PCDHGB4: variants seen among roughly 807,000 people sequenced by gnomAD.
PCDHGB4 encodes the protein protocadherin gamma subfamily B, 4.
PCDHGB4 carries 38 observed loss-of-function variants against 60.5 expected under a neutral mutation model. The ratio of observed to expected loss-of-function variants is 0.63; its 90% CI spans 0.48 to 0.82. PCDHGB4 has a LOEUF of 0.82. Among genes scored for constraint, PCDHGB4 ranks in the 40% least tolerant of loss-of-function variants. The pLI is 0.00. For missense variants in PCDHGB4, 1,109 were observed against 1,209.6 expected (o/e 0.92, Z 1.23); for synonymous variants, 456 against 509.7 (o/e 0.89, Z 1.42).
In PCDHGB4 at chr5:141,418,608, GC is replaced by G. The variant is rs1422456031; in HGVS notation, c.2397+28329del. On this transcript the variant is annotated intron_variant, in intron 1 of 3. Transcript: ENST00000519479. Reference sequence around the variant, plus strand: ...TTCAGCCAGGACGTGTACAGGGTTAGCCTTCGGGAAGACGTGCCTCCAGGCA... The same window carrying G: ...TTCAGCCAGGACGTGTACAGGGTTAGCTTCGGGAAGACGTGCCTCCAGGCA... 4 of 1,613,922 alleles carry G rather than the reference GC, an allele frequency of 2.5e-6. No individual in the cohort carries two copies. In the African/African-American group the frequency reaches 5.3e-5, roughly 22 times the overall value.
At chr5:141,423,837 A>G (rs73792199) in intron 1 of PCDHGB4, 16,285 of 1,277,458 alleles carry the variant, frequency 0.013, 610 homozygotes, top group African/African-American at 0.098. Context: ...TGAGATTACG[A>G]TAATCTTTCA....
intron 1 of PCDHGB4, chr5:141,418,388 T>C: frequency 6.2e-7 from 1 of 1,613,942 alleles, no homozygotes; most frequent in Non-Finnish European, 8.5e-7. Flanking sequence ...TCCTAACGAG[T>C]ATTTCTCATT....
Position 141,393,179 on chromosome 5 carries a change from A to T in PCDHGB4, c.2397+2898A>T, listed in dbSNP as rs375085176. 8.7e-6 allele frequency: 14 copies of T among 1,613,202 alleles called. 2 individuals are homozygous for T. In the East Asian group the frequency reaches 2.5e-4, roughly 28 times the overall value. ...GAAAACTCTTTGGGGTAGAAATAGA[A>T]ATAATTGATATTAACGATAATAACC... On this transcript the variant is annotated intron_variant, in intron 1 of 3. Coordinates refer to ENST00000519479, the MANE Select transcript of PCDHGB4 (RefSeq NM_003736.4).
At position 141,487,905 on chromosome 5, in the gene PCDHGB4, G is replaced by A. The variant is rs1305989274; in HGVS notation, c.2398-6902G>A. The A allele has an allele frequency of 2.9e-6, 2 of 686,270 alleles. No individual in the cohort carries two copies. The highest frequency in any genetic ancestry group is 3.6e-5 in the African/African-American group (2 of 55,348). The allele number at this position is 686,270 out of a possible 1,614,324, so 42.5% of individuals were successfully genotyped here. ...GTGGAAGCATGATGATGGAATGTGG[G>A]AGCACAGGAGGCTACAGTGCACAGG... On this transcript the variant is annotated intron_variant, in intron 1 of 3. Coordinates refer to ENST00000519479, the MANE Select transcript of PCDHGB4 (RefSeq NM_003736.4). This position sits in a 1 kb window ranked among gnomAD's most constrained non-coding sequence, Gnocchi z 5.0.
Position 141,450,950 on chromosome 5 carries a change from A to G in PCDHGB4, c.2398-43857A>G, listed in dbSNP as rs1176916120. ...AGCAATTCTCCTACCTCAGCCTCCCAAGTAGCTGGGATTACAGGCATGTGC... is the reference window on the plus strand; with the variant it reads ...AGCAATTCTCCTACCTCAGCCTCCCGAGTAGCTGGGATTACAGGCATGTGC... On this transcript the variant is annotated intron_variant, in intron 1 of 3. Coordinates refer to ENST00000519479, the MANE Select transcript of PCDHGB4 (RefSeq NM_003736.4). Among the ~76,000 whole-genome samples, 9 of 150,714 alleles carry G rather than the reference A, an allele frequency of 6.0e-5. No individual in the cohort carries two copies. In the East Asian group the frequency reaches 1.6e-3, roughly 26 times the overall value.
At chr5:141,497,849 T>G (rs1337258582) in intron 2 of PCDHGB4, among the ~76,000 whole-genome samples, 1 of 152,192 alleles carries the variant, frequency 6.6e-6, no homozygotes, top group African/African-American at 2.4e-5. Flanking sequence ...ACAAACATTT[T>G]TGATTCAGCG....
intron 1 of PCDHGB4, chr5:141,414,091 A>C (rs774168035): frequency 7.5e-6 from 12 of 1,594,412 alleles, no homozygotes; most frequent in African/African-American, 1.3e-5. Flanking sequence ...TGGAGAAATA[A>C]AAATATCAGA....
intron 1 of PCDHGB4, among the ~76,000 whole-genome samples, chr5:141,446,698 G>C (rs750413432): frequency 1.3e-5 from 2 of 152,070 alleles, no homozygotes; most frequent in African/African-American, 4.8e-5. Flanking sequence ...GGCTGGTCTC[G>C]AACTCTGATC....
Position 141,423,286 on chromosome 5 carries a change from ACCT to A in PCDHGB4, c.2397+33007_2397+33009del, listed in dbSNP as rs554024395. 8.7e-3 allele frequency: 13,966 copies of A among 1,613,746 alleles called. 98 individuals are homozygous for A. The highest frequency in any genetic ancestry group is 0.011 in the Middle Eastern group (68 of 6,062). ...CCTCGAGTCTCTGGCTAACTCTGAAACCTCAGACCTCTCGCTGTACTTGGTGGT... is the reference window on the plus strand; with the variant it reads ...CCTCGAGTCTCTGGCTAACTCTGAAACAGACCTCTCGCTGTACTTGGTGGT... On this transcript the variant is annotated intron_variant, in intron 1 of 3. Transcript: ENST00000519479.
At chr5:141,427,519 G>A (rs1428732557) in intron 1 of PCDHGB4, 1 of 602,000 alleles carries the variant, frequency 1.7e-6, no homozygotes, top group Non-Finnish European at 3.1e-6. Context: ...GATTGGGAGC[G>A]GATCCCGGAG....
chr5:141,413,900 AC>A, intron 1 of PCDHGB4: 1 of 1,613,126 alleles, frequency 6.2e-7, no homozygotes. Flanking sequence ...GCAAATGACA[AC>A]GCGCCGGTCT....
chr5:141,463,574 G>A (rs942457606), intron 1 of PCDHGB4, among the ~76,000 whole-genome samples: 1 of 146,978 alleles, frequency 6.8e-6, no homozygotes, highest in Non-Finnish European at 1.5e-5. Flanking sequence ...TCAGCCTCCC[G>A]AGTAGCTGGG....
chr5:141,487,577 C>A lies in PCDHGB4; in HGVS notation c.2398-7230C>A. 1.2e-6 allele frequency: 2 copies of A among 1,614,150 alleles called. No individual in the cohort carries two copies. Among genetic ancestry groups the A allele is most frequent in the Non-Finnish European group, 1.7e-6 (2 of 1,180,024 alleles). ...ACCTATGGCAGGGGAGCCTGTTCGC[C>A]CAAGCTGCCCACCCTCTGATCTTCT... On this transcript the variant is annotated intron_variant, in intron 1 of 3. Coordinates refer to ENST00000519479, the MANE Select transcript of PCDHGB4 (RefSeq NM_003736.4). The surrounding 1 kb of genome is among the most constrained non-coding windows in gnomAD (Gnocchi z 5.0).
At chr5:141,422,724 G>A (rs560544401) in intron 1 of PCDHGB4, 9 of 1,606,016 alleles carry the variant, frequency 5.6e-6, no homozygotes, top group East Asian at 2.2e-5. Flanking sequence ...CTGTCCAGGG[G>A]GTGCCTCTGT....
In PCDHGB4 at chr5:141,487,000, G is replaced by T. The variant is rs1410493699; in HGVS notation, c.2398-7807G>T. 2 of 1,614,076 alleles carry T rather than the reference G, an allele frequency of 1.2e-6. No homozygotes were observed. Among genetic ancestry groups the T allele is most frequent in the Non-Finnish European group, 1.7e-6 (2 of 1,180,044 alleles). On this transcript the variant is annotated intron_variant, in intron 1 of 3. Coordinates refer to ENST00000519479, the MANE Select transcript of PCDHGB4 (RefSeq NM_003736.4). The surrounding 1 kb of genome is among the most constrained non-coding windows in gnomAD (Gnocchi z 5.0). Reference sequence around the variant, plus strand: ...GTTACAATGCTTGGGTTTCCTATCAGCTCCTGGAGGCCCCAGATCCCAGCC... The same window carrying T: ...GTTACAATGCTTGGGTTTCCTATCATCTCCTGGAGGCCCCAGATCCCAGCC...
At chr5:141,444,507 G>C (rs1213059531) in intron 1 of PCDHGB4, among the ~76,000 whole-genome samples, 1 of 152,068 alleles carries the variant, frequency 6.6e-6, no homozygotes, top group Non-Finnish European at 1.5e-5. Context: ...CTTTGCTCTA[G>C]CAGTATAGTA....
intron 1 of PCDHGB4, chr5:141,398,585 T>C (rs200356405): frequency 1.9e-6 from 3 of 1,614,080 alleles, no homozygotes; most frequent in Non-Finnish European, 2.5e-6. Flanking sequence ...ACAAGATTTA[T>C]ACTAGAAGTA....
chr5:141,402,855 T>G, intron 1 of PCDHGB4: 1 of 1,425,070 alleles, frequency 7.0e-7, no homozygotes, highest in Non-Finnish European at 9.2e-7. Flanking sequence ...CTCTTTCTTC[T>G]AAGGAAAAGA....
At chr5:141,488,978 C>T (rs1346335195) in intron 1 of PCDHGB4, 4 of 388,976 alleles carry the variant, frequency 1.0e-5, no homozygotes, top group African/African-American at 2.1e-5. Flanking sequence ...GCCAATCAGA[C>T]TCAGAGCTGA....
Sources: gnomAD v4.1 joint callset for allele counts (sites outside exome capture counted in the v4.1 genomes callset) on GRCh38, gnomAD v4.1.1 for gene constraint, Gnocchi (gnomAD v3.1) non-coding constraint, MANE v1.5 for transcripts, NCBI Gene and HGNC (gene_info 2026-07-23, HGNC 2026-07-21) for gene names.